Variants in ARHGAP26 observed in about 807,000 individuals in gnomAD.
ARHGAP26 encodes the protein rho GTPase-activating protein 26.
In ARHGAP26, 38 loss-of-function variants were observed where a neutral mutation model predicts 104.8. That is an observed-to-expected ratio of 0.36 (90% CI 0.28 to 0.48). ARHGAP26 has a LOEUF of 0.48. ARHGAP26 is among the 20% of genes least tolerant of loss of function. The probability of loss-of-function intolerance (pLI) is 0.99; values close to 1 mark genes in which losing one functional copy is unlikely to be tolerated. For synonymous variants in ARHGAP26, 341 were observed against 340.0 expected (o/e 1.00, Z -0.03); for missense variants, 704 against 947.9 (o/e 0.74, Z 3.38).
At chr5:143,062,728 G>A (rs1786908759) in intron 17 of ARHGAP26, among the ~76,000 whole-genome samples, 1 of 152,138 alleles carries the variant, frequency 6.6e-6, no homozygotes, top group Non-Finnish European at 1.5e-5. Context: ...AGCATTCCTT[G>A]AAGTTCTTAA....
intron 1 of ARHGAP26, among the ~76,000 whole-genome samples, chr5:142,811,854 T>A (rs546198372): frequency 6.6e-6 from 1 of 152,332 alleles, no homozygotes; most frequent in South Asian, 2.1e-4. Context: ...CTGGCTTCAG[T>A]AGCACCCAAC....
rs374320372 is a variant in ARHGAP26 at position 143,041,796 on chromosome 5, A to G, written c.1211-20A>G. On this transcript the variant is annotated intron_variant, in intron 13 of 22. Transcript: ENST00000645722. ...GTTCTGACGTGCCTCTAATTAAATC[A>G]TCACTGTTTCTTTCCTCAGGGATCA... The G allele has an allele frequency of 1.9e-6, 3 of 1,599,052 alleles. No homozygotes were observed. In the Middle Eastern group the frequency reaches 5.0e-4, roughly 265 times the overall value.
intron 11 of ARHGAP26, among the ~76,000 whole-genome samples, chr5:142,936,927 A>G (rs2152547003): frequency 6.6e-6 from 1 of 152,280 alleles, no homozygotes; most frequent in Middle Eastern, 3.4e-3. Flanking sequence ...AAACTTTTAG[A>G]AGAATGTGTG....
intron 1 of ARHGAP26, among the ~76,000 whole-genome samples, chr5:142,837,684 C>T (rs977476608): frequency 6.6e-6 from 1 of 152,114 alleles, no homozygotes. Flanking sequence ...TTGAGTATTT[C>T]GTAAGATCCC....
intron 21 of ARHGAP26, 113 bp from the exon 22 acceptor site, chr5:143,213,884 C>T: frequency 1.7e-6 from 1 of 597,456 alleles, no homozygotes; most frequent in Non-Finnish European, 2.8e-6. Flanking sequence ...CCAGGCACTT[C>T]CCACGAGAGG....
intron 17 of ARHGAP26, among the ~76,000 whole-genome samples, chr5:143,089,429 T>G (rs1791079568): frequency 6.6e-6 from 1 of 152,254 alleles, no homozygotes; most frequent in South Asian, 2.1e-4. Flanking sequence ...CATTTACCCC[T>G]GAGTTGTTGG....
At chr5:142,921,324 T>A (rs1763153987) in intron 10 of ARHGAP26, among the ~76,000 whole-genome samples, 1 of 152,232 alleles carries the variant, frequency 6.6e-6, no homozygotes, top group African/African-American at 2.4e-5. Context: ...AGAAGAACAT[T>A]TTATGCAGCT....
intron 1 of ARHGAP26, among the ~76,000 whole-genome samples, chr5:142,849,497 G>C (rs1270308470): frequency 6.6e-6 from 1 of 152,168 alleles, no homozygotes; most frequent in Non-Finnish European, 1.5e-5. Flanking sequence ...CATTGACAGT[G>C]TGCTCTCCAT....
At chr5:142,804,458 A>G (rs1244903448) in intron 1 of ARHGAP26, among the ~76,000 whole-genome samples, 2 of 152,166 alleles carry the variant, frequency 1.3e-5, no homozygotes, top group Non-Finnish European at 2.9e-5. Flanking sequence ...TCTTCCAAGC[A>G]TATTATTAAG....
intron 20 of ARHGAP26, among the ~76,000 whole-genome samples, chr5:143,185,347 G>GT (rs11372661): frequency 0.22 from 32,891 of 152,014 alleles, 4,248 homozygotes; most frequent in African/African-American, 0.37. Flanking sequence ...TTTGCCTGTT[G>GT]TTTTTTAACA....
intron 9 of ARHGAP26, among the ~76,000 whole-genome samples, chr5:142,910,015 G>C (rs1487535888): frequency 6.6e-6 from 1 of 152,192 alleles, no homozygotes; most frequent in Admixed American, 6.5e-5. Context: ...GTAGTGAAGA[G>C]GTTTATGTGA....
chr5:143,176,411 G>A (rs1803480268), intron 20 of ARHGAP26, among the ~76,000 whole-genome samples: 1 of 152,140 alleles, frequency 6.6e-6, no homozygotes, highest in Non-Finnish European at 1.5e-5. Flanking sequence ...TTACCTGCAG[G>A]CTTGGCAGGC....
intron 10 of ARHGAP26, among the ~76,000 whole-genome samples, chr5:142,915,116 C>T (rs568114122): frequency 2.4e-4 from 37 of 152,274 alleles, no homozygotes; most frequent in Middle Eastern, 3.4e-3. Flanking sequence ...GCGATTAAAG[C>T]TCACTGTGGC....
intron 8 of ARHGAP26, among the ~76,000 whole-genome samples, chr5:142,904,514 GTCTCTT>G (rs1760824328): frequency 8.0e-6 from 1 of 125,744 alleles, no homozygotes; most frequent in Admixed American, 7.8e-5. Flanking sequence ...GCAAGACCCT[GTCTCTT>G]AAAAGAAAAA....
chr5:143,127,951 A>C (rs1000238192), intron 18 of ARHGAP26, among the ~76,000 whole-genome samples: 1 of 152,198 alleles, frequency 6.6e-6, no homozygotes, highest in Non-Finnish European at 1.5e-5. Context: ...TCCTGTGGTC[A>C]TGGCTTTTGT....
chr5:143,142,361 C>T (rs774981220), intron 19 of ARHGAP26, among the ~76,000 whole-genome samples: 6 of 151,794 alleles, frequency 4.0e-5, no homozygotes, highest in Admixed American at 6.6e-5. Context: ...CTGCTAGTCT[C>T]GAACTCCTGA....
At chr5:143,177,986 CCT>C (rs1491303725) in intron 20 of ARHGAP26, among the ~76,000 whole-genome samples, 43 of 118,402 alleles carry the variant, frequency 3.6e-4, no homozygotes, top group African/African-American at 1.3e-3. Flanking sequence ...GTGTGGCAGT[CCT>C]TTTTTTTTTT....
At chr5:143,128,636 TGA>T (rs1359512872) in intron 18 of ARHGAP26, among the ~76,000 whole-genome samples, 13 of 152,196 alleles carry the variant, frequency 8.5e-5, no homozygotes, top group Admixed American at 8.5e-4. Context: ...ATGGCTTCTC[TGA>T]GAGCACCACG....
In ARHGAP26 at chr5:143,226,135, A is replaced by G. The variant is rs753569165; in HGVS notation, c.*3689A>G. 4.6e-5 allele frequency: 9 copies of G among 195,018 alleles called. No homozygotes were observed. The South Asian group carries it at 1.3e-3, about 29-fold the overall frequency. 12.1% of individuals were successfully genotyped at this position (195,018 alleles called of 1,614,324 possible). A position where few individuals can be genotyped will look rare whatever the true frequency, so the allele number is the denominator to read the frequency against. On this transcript the variant is annotated 3_prime_UTR_variant, in exon 23 of 23. Coordinates refer to ENST00000645722, the MANE Select transcript of ARHGAP26 (RefSeq NM_001135608.3). ...GCCATAGCCTGAATCTTTTAGGGGT[A>G]TTAAGGTCAGCCTCTCACTCTTCCT...
Sources: allele counts gnomAD v4.1 joint callset (sites outside exome capture counted in the v4.1 genomes callset), GRCh38; gene constraint gnomAD v4.1.1; transcripts MANE v1.5; gene names NCBI Gene and HGNC (gene_info 2026-07-23, HGNC 2026-07-21).